Variants in ZC2HC1B observed in about 807,000 individuals in gnomAD.
ZC2HC1B encodes zinc finger C2HC-type containing 1B.
In ZC2HC1B, 36 loss-of-function variants were observed where a neutral mutation model predicts 31.0. That is an observed-to-expected ratio of 1.16 (90% CI 0.89 to 1.54). The LOEUF is 1.54. Among genes scored for constraint, ZC2HC1B ranks in the 40% most tolerant of loss-of-function variants. The pLI is 0.00. For missense variants in ZC2HC1B, 260 were observed against 268.6 expected (o/e 0.97, Z 0.22); for synonymous variants, 73 against 88.0 (o/e 0.83, Z 0.95).
intron 4 of ZC2HC1B, among the ~76,000 whole-genome samples, chr6:143,896,746 C>T (rs139377147): frequency 3.3e-5 from 5 of 152,200 alleles, no homozygotes; most frequent in South Asian, 2.1e-4. Context: ...GTAACTTGCC[C>T]GAGTTCACAC....
rs751668069 is a variant in ZC2HC1B at position 143,865,879 on chromosome 6, G to C, written c.28+1312G>C. Among the ~76,000 whole-genome samples the C allele has an allele frequency of 1.3e-5, 2 of 152,102 alleles. No homozygotes were observed. Among genetic ancestry groups the C allele is most frequent in the Non-Finnish European group, 2.9e-5 (2 of 68,022 alleles). On this transcript the variant is annotated intron_variant, in intron 1 of 7. Transcript: ENST00000237275. The surrounding 1 kb of genome is among the most constrained non-coding windows in gnomAD (Gnocchi z 4.4). Reference sequence around the variant, plus strand: ...CGCCCGAGCTGGAGCGCAGTAGTGCGATCTCATCTCACTGCAACCTCCAAC... The same window carrying C: ...CGCCCGAGCTGGAGCGCAGTAGTGCCATCTCATCTCACTGCAACCTCCAAC...
At chr6:143,893,426 G>A (rs1777623863) in intron 4 of ZC2HC1B, among the ~76,000 whole-genome samples, 1 of 152,022 alleles carries the variant, frequency 6.6e-6, no homozygotes, top group African/African-American at 2.4e-5. Flanking sequence ...AAATTAGCCA[G>A]GCATGGTGGC....
At chr6:143,876,424 A>G (rs1777409080) in intron 1 of ZC2HC1B, among the ~76,000 whole-genome samples, 1 of 150,436 alleles carries the variant, frequency 6.6e-6, no homozygotes, top group Admixed American at 6.6e-5. Flanking sequence ...GTTCATGCCA[A>G]AGTCTATCAG....
In ZC2HC1B at chr6:143,922,339, C is replaced by G. The variant is rs1212590290; in HGVS notation, c.599-15310C>G. Among the ~76,000 whole-genome samples the G allele has an allele frequency of 6.6e-6, 1 of 152,172 alleles. No individual in the cohort carries two copies. Among genetic ancestry groups the G allele is most frequent in the African/African-American group, 2.4e-5 (1 of 41,446 alleles). ...TTGACTTGGGAACATTTCAAATCTT[C>G]TTTTCCAGTTATTCTGAAATATGGA... On this transcript the variant is annotated intron_variant, in intron 6 of 7. Transcript: ENST00000237275. The surrounding 1 kb of genome is among the most constrained non-coding windows in gnomAD (Gnocchi z 5.0).
chr6:143,873,110 G>T (rs1777363617), intron 1 of ZC2HC1B, among the ~76,000 whole-genome samples: 1 of 152,208 alleles, frequency 6.6e-6, no homozygotes, highest in Admixed American at 6.5e-5. Context: ...AAATGAGGGT[G>T]CAGGTATTGG....
chr6:143,919,561 CTT>C (rs1173136927), intron 6 of ZC2HC1B, among the ~76,000 whole-genome samples: 2 of 152,134 alleles, frequency 1.3e-5, no homozygotes, highest in Non-Finnish European at 2.9e-5. Context: ...CCACCTGCCT[CTT>C]TGTACCTCTT....
chr6:143,891,690 TC>T lies in ZC2HC1B; in HGVS notation c.349+4870del, dbSNP rs1420869111. On this transcript the variant is annotated intron_variant, in intron 4 of 7. Transcript: ENST00000237275. Reference sequence around the variant, plus strand: ...TCTGGGTGACAAGAGCGAAACTCTGTCTCAAAAAAAAAAAAAAAGAAAGAAA... The same window carrying T: ...TCTGGGTGACAAGAGCGAAACTCTGTTCAAAAAAAAAAAAAAAGAAAGAAA... Among the ~76,000 whole-genome samples, 409 of 132,722 alleles carry T rather than the reference TC, an allele frequency of 3.1e-3. 4 individuals are homozygous for T. Among genetic ancestry groups the T allele is most frequent in the African/African-American group, 0.011 (400 of 34,832 alleles). 87.1% of individuals were successfully genotyped at this position (132,722 alleles called of 152,430 possible). A position where few individuals can be genotyped will look rare whatever the true frequency, so the allele number is the denominator to read the frequency against.
intron 6 of ZC2HC1B, among the ~76,000 whole-genome samples, chr6:143,931,711 T>C (rs1778120723): frequency 6.6e-6 from 1 of 152,162 alleles, no homozygotes. Flanking sequence ...TAATCTGATA[T>C]CTTTTCCTTT....
chr6:143,873,252 C>T (rs994963226), intron 1 of ZC2HC1B, among the ~76,000 whole-genome samples: 1 of 152,268 alleles, frequency 6.6e-6, no homozygotes, highest in African/African-American at 2.4e-5. Context: ...CCATGTCTCA[C>T]ATCCAGGTCA....
In ZC2HC1B at chr6:143,913,936, G is replaced by A. The variant is rs971691370; in HGVS notation, c.598+10784G>A. Reference sequence around the variant, plus strand: ...AAAGCTGTATTCACTTGCCTGTTTTGTTCCTTTCTGTGAGTGCTGTGGACC... The same window carrying A: ...AAAGCTGTATTCACTTGCCTGTTTTATTCCTTTCTGTGAGTGCTGTGGACC... On this transcript the variant is annotated intron_variant, in intron 6 of 7. Transcript: ENST00000237275. The surrounding 1 kb of genome is among the most constrained non-coding windows in gnomAD (Gnocchi z 5.7). Among the ~76,000 whole-genome samples the A allele has an allele frequency of 3.9e-5, 6 of 152,180 alleles. No individual in the cohort carries two copies. Among genetic ancestry groups the A allele is most frequent in the South Asian group, 2.1e-4 (1 of 4,834 alleles).
At position 143,876,391 on chromosome 6, in the gene ZC2HC1B, T is replaced by C. The variant is rs532306880; in HGVS notation, c.29-7913T>C. Among the ~76,000 whole-genome samples, 5 of 150,600 alleles carry C rather than the reference T, an allele frequency of 3.3e-5. 2 individuals are homozygous for C. The highest frequency in any genetic ancestry group is 1.2e-4 in the African/African-American group (5 of 40,852). On this transcript the variant is annotated intron_variant, in intron 1 of 7. Transcript: ENST00000237275. ...ATGAATCAGGAGTGTCAAATGCATT[T>C]ATTTTGTGTAACTCTCTAAACAGTT...
intron 5 of ZC2HC1B, among the ~76,000 whole-genome samples, chr6:143,902,720 T>A (rs552335447): frequency 6.6e-5 from 10 of 152,366 alleles, no homozygotes; most frequent in African/African-American, 2.2e-4. Context: ...TCTTTAAATA[T>A]ATCCTTTATT....
rs1431708232 is a variant in ZC2HC1B at position 143,868,147 on chromosome 6, G to T, written c.28+3580G>T. On this transcript the variant is annotated intron_variant, in intron 1 of 7. Transcript: ENST00000237275. The surrounding 1 kb of genome is among the most constrained non-coding windows in gnomAD (Gnocchi z 4.2). ...TCCTGATTGCTGATCATTTGTATCT[G>T]ATTTTTCTTTGGAAGTCTGTAGAAT... is the stretch of plus-strand genomic sequence containing the variant. 6.6e-6 allele frequency among the ~76,000 whole-genome samples: 1 copy of T among 152,120 alleles called. No homozygotes were observed. The highest frequency in any genetic ancestry group is 1.5e-5 in the Non-Finnish European group (1 of 68,024).
rs1295793558 is a variant in ZC2HC1B at position 143,869,768 on chromosome 6, C to G, written c.28+5201C>G. Among the ~76,000 whole-genome samples, 1 of 152,180 alleles carries G rather than the reference C, an allele frequency of 6.6e-6. No homozygotes were observed. Among genetic ancestry groups the G allele is most frequent in the Non-Finnish European group, 1.5e-5 (1 of 68,030 alleles). ...GTCTCTGCTGCTGGCAAATTGGGCACTCAGCAGTGGCTGTAGTCAGGTCAG... is the reference window on the plus strand; with the variant it reads ...GTCTCTGCTGCTGGCAAATTGGGCAGTCAGCAGTGGCTGTAGTCAGGTCAG... On this transcript the variant is annotated intron_variant, in intron 1 of 7. Coordinates refer to ENST00000237275, the MANE Select transcript of ZC2HC1B (RefSeq NM_001013623.3). This position sits in a 1 kb window ranked among gnomAD's most constrained non-coding sequence, Gnocchi z 5.2.
intron 6 of ZC2HC1B, among the ~76,000 whole-genome samples, chr6:143,927,521 T>C (rs1778067056): frequency 6.6e-6 from 1 of 152,228 alleles, no homozygotes; most frequent in South Asian, 2.1e-4. Context: ...TATATATATT[T>C]ACCACATTTT....
At chr6:143,882,333 TTTATATATATATA>T (rs1400442366) in intron 1 of ZC2HC1B, among the ~76,000 whole-genome samples, 1 of 100,076 alleles carries the variant, frequency 1.0e-5, no homozygotes, top group Non-Finnish European at 1.9e-5. Context: ...TTTTATATTT[TTTATATATATATA>T]TATATATATA....
intron 5 of ZC2HC1B, among the ~76,000 whole-genome samples, chr6:143,901,525 G>T (rs1234366535): frequency 6.6e-6 from 1 of 152,068 alleles, no homozygotes; most frequent in African/African-American, 2.4e-5. Flanking sequence ...CTCCCAAAGT[G>T]CTGGGATTAC....
chr6:143,895,526 T>A lies in ZC2HC1B; in HGVS notation c.350-3026T>A, dbSNP rs1777656084. The stretch of plus-strand genomic sequence containing the variant: ...TATAACATGGCCTAACATGCATGAA[T>A]GTGCCAGTAATTTCCCTTTTTTCCT... On this transcript the variant is annotated intron_variant, in intron 4 of 7. Coordinates refer to ENST00000237275, the MANE Select transcript of ZC2HC1B (RefSeq NM_001013623.3). The surrounding 1 kb of genome is among the most constrained non-coding windows in gnomAD (Gnocchi z 4.8). Among the ~76,000 whole-genome samples, 2 of 152,222 alleles carry A rather than the reference T, an allele frequency of 1.3e-5. No homozygotes were observed. Among genetic ancestry groups the A allele is most frequent in the Non-Finnish European group, 2.9e-5 (2 of 68,044 alleles).
At chr6:143,873,717 C>T (rs975251332) in intron 1 of ZC2HC1B, among the ~76,000 whole-genome samples, 2 of 152,254 alleles carry the variant, frequency 1.3e-5, no homozygotes, top group Non-Finnish European at 2.9e-5. Flanking sequence ...TACATTGGCC[C>T]CAATCAGCCA....
Sources: gnomAD v4.1 joint callset for allele counts (sites outside exome capture counted in the v4.1 genomes callset) on GRCh38, gnomAD v4.1.1 for gene constraint, Gnocchi (gnomAD v3.1) non-coding constraint, MANE v1.5 for transcripts, NCBI Gene and HGNC (gene_info 2026-07-23, HGNC 2026-07-21) for gene names.